The following RNF138 variants were observed in gnomAD, a reference collection of about 807,000 sequenced individuals.
RNF138 encodes the protein E3 ubiquitin-protein ligase RNF138.
Under a neutral mutation model 31.0 loss-of-function variants are expected in RNF138, and 12 were observed. The ratio of observed to expected loss-of-function variants is 0.39; its 90% CI spans 0.25 to 0.63. RNF138 has a LOEUF of 0.63. Among genes scored for constraint, RNF138 ranks in the 20% least tolerant of loss-of-function variants. The pLI is 0.52. For synonymous variants in RNF138, 105 were observed against 99.5 expected (o/e 1.06, Z -0.33); for missense variants, 192 against 300.1 (o/e 0.64, Z 2.66).
rs895993275 is a variant in RNF138 at position 32,092,132 on chromosome 18, T to G, written c.-181T>G. 2 of 152,734 alleles carry G rather than the reference T, an allele frequency of 1.3e-5. No individual in the cohort carries two copies. The highest frequency in any genetic ancestry group is 2.9e-5 in the Non-Finnish European group (2 of 68,374). 9.5% of individuals were successfully genotyped at this position (152,734 alleles called of 1,614,324 possible). A position where few individuals can be genotyped will look rare whatever the true frequency, so the allele number is the denominator to read the frequency against. On this transcript the variant is annotated 5_prime_UTR_variant, in exon 1 of 8. Coordinates refer to ENST00000261593, the MANE Select transcript of RNF138 (RefSeq NM_016271.5). ...TGCCCCGGGGCCTCGGCTGCGAAGA[T>G]AGCGGCGGCCGGACAGGAAGCTCGA...
At chr18:32,095,694 C>T (rs1047747698) in intron 2 of RNF138, among the ~76,000 whole-genome samples, 2 of 152,098 alleles carry the variant, frequency 1.3e-5, no homozygotes, top group Non-Finnish European at 2.9e-5. Flanking sequence ...ACTGACTATC[C>T]TAGTAAAAGG....
chr18:32,093,353 C>T (rs1442505977), intron 2 of RNF138, among the ~76,000 whole-genome samples: 2 of 152,206 alleles, frequency 1.3e-5, no homozygotes, highest in Non-Finnish European at 2.9e-5. Flanking sequence ...CGCCCCGCGA[C>T]CTGCCCTGCT....
chr18:32,097,645 C>A (rs1009407053), intron 2 of RNF138, among the ~76,000 whole-genome samples: 1 of 152,002 alleles, frequency 6.6e-6, no homozygotes, highest in Non-Finnish European at 1.5e-5. Context: ...AGTAGCTGGA[C>A]TACAGGCATG....
chr18:32,100,946 G>C (rs147837226), intron 2 of RNF138, among the ~76,000 whole-genome samples: 1 of 152,130 alleles, frequency 6.6e-6, no homozygotes, highest in Non-Finnish European at 1.5e-5. Context: ...GAAAAATGGT[G>C]TAATTACAAA....
chr18:32,093,337 C>T (rs1216306157), intron 2 of RNF138, among the ~76,000 whole-genome samples: 1 of 152,096 alleles, frequency 6.6e-6, no homozygotes, highest in Non-Finnish European at 1.5e-5. Context: ...CTCGCGCGGG[C>T]CCGCTCGCCC....
chr18:32,113,474 T>C (rs1403791250), intron 3 of RNF138, among the ~76,000 whole-genome samples: 1 of 152,200 alleles, frequency 6.6e-6, no homozygotes, highest in Non-Finnish European at 1.5e-5. Context: ...TTTTGTCTAC[T>C]GCTGGTAGTG....
At chr18:32,115,191 T>C (rs1201972339) in intron 4 of RNF138, among the ~76,000 whole-genome samples, 1 of 152,226 alleles carries the variant, frequency 6.6e-6, no homozygotes, top group Non-Finnish European at 1.5e-5. Flanking sequence ...TATACATGAT[T>C]GTAATCACGC....
rs552828207 is a variant in RNF138, at chr18:32,121,301, G to C, written c.393-2217G>C. 2.0e-5 allele frequency among the ~76,000 whole-genome samples: 3 copies of C among 152,260 alleles called. No individual in the cohort carries two copies. The East Asian group carries it at 5.8e-4, about 29-fold the overall frequency. The stretch of plus-strand genomic sequence containing the variant: ...ACCTGAGGTTGGGAGTTTGAGACCA[G>C]CCTGACCAACATGGAGAAACTCCGT... On this transcript the variant is annotated intron_variant, in intron 4 of 7. Coordinates refer to ENST00000261593, the MANE Select transcript of RNF138 (RefSeq NM_016271.5).
At chr18:32,113,691 T>C in intron 3 of RNF138, 54 bp from the exon 4 acceptor site, 2 of 814,544 alleles carry the variant, frequency 2.5e-6, no homozygotes, top group South Asian at 2.0e-5. Context: ...TTACACTATT[T>C]CAAATCTTAC....
rs1299867296 is a variant in RNF138, at chr18:32,131,409, A to AATT, written c.*2224_*2226dup. ...TTAATATTACTTATAGCTGAGTCAG[A>AATT]ATTAAAGGAGGGAATTGTATTGATA... On this transcript the variant is annotated 3_prime_UTR_variant, in exon 8 of 8. Transcript: ENST00000261593. 1 of 152,166 alleles carries AATT rather than the reference A, an allele frequency of 6.6e-6. No individual in the cohort carries two copies. Among genetic ancestry groups the AATT allele is most frequent in the African/African-American group, 2.4e-5 (1 of 41,452 alleles). The allele number at this position is 152,166 out of a possible 1,614,324, so 9.4% of individuals were successfully genotyped here.
At chr18:32,116,770 G>A (rs2040223590) in intron 4 of RNF138, among the ~76,000 whole-genome samples, 1 of 152,062 alleles carries the variant, frequency 6.6e-6, no homozygotes, top group East Asian at 1.9e-4. Flanking sequence ...AACACATTGA[G>A]ATGGGGTCCT....
At chr18:32,102,347 G>A (rs371635992) in intron 2 of RNF138, among the ~76,000 whole-genome samples, 1 of 151,164 alleles carries the variant, frequency 6.6e-6, no homozygotes, top group African/African-American at 2.4e-5. Flanking sequence ...GACTACAGGC[G>A]CCCGCCGCCA....
chr18:32,105,942 A>G (rs1473851004), intron 2 of RNF138, among the ~76,000 whole-genome samples: 2 of 152,244 alleles, frequency 1.3e-5, no homozygotes, highest in East Asian at 3.8e-4. Flanking sequence ...GAATATAACA[A>G]ACCATAGAAT....
intron 2 of RNF138, among the ~76,000 whole-genome samples, chr18:32,102,347 G>C (rs371635992): frequency 1.3e-5 from 2 of 151,164 alleles, no homozygotes; most frequent in African/African-American, 4.9e-5. Context: ...GACTACAGGC[G>C]CCCGCCGCCA....
chr18:32,106,312 TCATATGTTA>T (rs959994329), intron 2 of RNF138, among the ~76,000 whole-genome samples: 3 of 152,164 alleles, frequency 2.0e-5, no homozygotes, highest in African/African-American at 7.2e-5. Flanking sequence ...TTTCAGTGTT[TCATATGTTA>T]CATTATATCA....
intron 2 of RNF138, among the ~76,000 whole-genome samples, chr18:32,098,601 C>T (rs2039857311): frequency 6.6e-6 from 1 of 152,000 alleles, no homozygotes; most frequent in African/African-American, 2.4e-5. Flanking sequence ...GCCTGTCATC[C>T]CAGCACTTTG....
At chr18:32,118,477 T>C (rs2040251456) in intron 4 of RNF138, among the ~76,000 whole-genome samples, 1 of 151,424 alleles carries the variant, frequency 6.6e-6, no homozygotes, top group Admixed American at 6.6e-5. Context: ...GAGGTTGCAG[T>C]GATCTGAGAT....
chr18:32,126,522 TTATC>T (rs1234537787), intron 6 of RNF138, among the ~76,000 whole-genome samples, 167 bp from the exon 7 acceptor site: 10 of 152,338 alleles, frequency 6.6e-5, no homozygotes, highest in African/African-American at 1.9e-4. Flanking sequence ...TTAATGTCAT[TTATC>T]TAAGGTAATT....
At chr18:32,097,934 GTA>G (rs2039840775) in intron 2 of RNF138, among the ~76,000 whole-genome samples, 1 of 126,434 alleles carries the variant, frequency 7.9e-6, no homozygotes, top group South Asian at 2.9e-4. Context: ...GTGTATATGT[GTA>G]TGTATATATG....
Sources: gnomAD v4.1 joint callset for allele counts (sites outside exome capture counted in the v4.1 genomes callset) on GRCh38, gnomAD v4.1.1 for gene constraint, MANE v1.5 for transcripts, NCBI Gene and HGNC (gene_info 2026-07-23, HGNC 2026-07-21) for gene names.